CD46: variants seen among roughly 807,000 people sequenced by gnomAD.
CD46 encodes CD46 molecule.
A neutral mutation model predicts 53.3 loss-of-function variants in CD46; 30 were observed. The ratio of observed to expected loss-of-function variants is 0.56; its 90% CI spans 0.42 to 0.76. The LOEUF is 0.76. Among genes scored for constraint, CD46 ranks in the 30% least tolerant of loss-of-function variants. The probability of loss-of-function intolerance (pLI) is 0.00; values close to 1 mark genes in which losing one functional copy is unlikely to be tolerated. For missense variants in CD46, 409 were observed against 463.0 expected (o/e 0.88, Z 1.07); for synonymous variants, 142 against 152.0 (o/e 0.93, Z 0.48).
At chr1:207,793,190 A>T (rs1659964638) in intron 12 of CD46, among the ~76,000 whole-genome samples, 1 of 152,178 alleles carries the variant, frequency 6.6e-6, no homozygotes, top group Admixed American at 6.5e-5. Context: ...TTTAAAATGG[A>T]GGGATCAGGA....
intron 1 of CD46, among the ~76,000 whole-genome samples, chr1:207,755,150 A>C (rs1388485604): frequency 2.0e-5 from 3 of 151,868 alleles, no homozygotes; most frequent in Non-Finnish European, 4.4e-5. Flanking sequence ...TACACACACA[A>C]ACAAACAAAA....
At chr1:207,788,254 C>T (rs1235656937) in intron 11 of CD46, among the ~76,000 whole-genome samples, 2 of 151,864 alleles carry the variant, frequency 1.3e-5, no homozygotes, top group Admixed American at 1.3e-4. Flanking sequence ...TGGTGGCTCA[C>T]GCCTGTAATC....
intron 5 of CD46, chr1:207,762,513 A>T (rs1164257466): frequency 1.3e-5 from 2 of 152,226 alleles, no homozygotes. Context: ...GTAAACCTGT[A>T]GCCAGACTGA....
At chr1:207,753,210 A>G (rs1184718914) in intron 1 of CD46, among the ~76,000 whole-genome samples, 5 of 152,160 alleles carry the variant, frequency 3.3e-5, no homozygotes, top group African/African-American at 7.2e-5. Context: ...GAGATGTGAA[A>G]CAACCTAAAA....
At chr1:207,757,449 C>T (rs1655686599) in intron 2 of CD46, 91 bp from the exon 3 acceptor site, 2 of 847,944 alleles carry the variant, frequency 2.4e-6, no homozygotes, top group Non-Finnish European at 2.0e-6. Flanking sequence ...ATTATATTCC[C>T]ACCCATTCAA....
chr1:207,787,471 C>G (rs908994446), intron 11 of CD46, among the ~76,000 whole-genome samples: 1 of 151,988 alleles, frequency 6.6e-6, no homozygotes, highest in Non-Finnish European at 1.5e-5. Flanking sequence ...TTAATTTGTC[C>G]AGTGATTTTT....
At chr1:207,759,957 G>A in intron 4 of CD46, 2 of 370,248 alleles carry the variant, frequency 5.4e-6, no homozygotes, top group Non-Finnish European at 9.5e-6. Flanking sequence ...CTATTTCCCA[G>A]GCTGGGGTGC....
chr1:207,781,168 A>G (rs1173072958), intron 8 of CD46, among the ~76,000 whole-genome samples: 1 of 149,926 alleles, frequency 6.7e-6, no homozygotes, highest in Non-Finnish European at 1.5e-5. Context: ...CATACTAGAT[A>G]TGCATTTCCC....
chr1:207,767,306 C>T lies in CD46; in HGVS notation c.856+111C>T, dbSNP rs1656969274. ...GTCATACAAAATAACTGAAAAGAAA[C>T]AATTTTAGTATTTAACTCTGTCTTG... On this transcript the variant is annotated intron_variant, in intron 6 of 12. Coordinates refer to ENST00000367042, the MANE Select transcript of CD46 (RefSeq NM_172351.3). 5 of 957,888 alleles carry T rather than the reference C, an allele frequency of 5.2e-6. No homozygotes were observed. In the East Asian group the frequency reaches 1.2e-4, roughly 24 times the overall value. The allele number at this position is 957,888 out of a possible 1,614,324, so 59.3% of individuals were successfully genotyped here.
At chr1:207,783,936 A>C (rs751067813) in intron 9 of CD46, among the ~76,000 whole-genome samples, 1 of 152,236 alleles carries the variant, frequency 6.6e-6, no homozygotes, top group Non-Finnish European at 1.5e-5. Flanking sequence ...TTATGCTTTG[A>C]CTTATAGCAA....
intron 1 of CD46, among the ~76,000 whole-genome samples, chr1:207,756,349 C>A (rs926246050): frequency 1.3e-5 from 2 of 152,228 alleles, no homozygotes; most frequent in African/African-American, 4.8e-5. Context: ...TAAATTCAGA[C>A]TTTCACGTTA....
intron 12 of CD46, among the ~76,000 whole-genome samples, chr1:207,791,918 T>C (rs904783811): frequency 6.6e-6 from 1 of 152,238 alleles, no homozygotes; most frequent in African/African-American, 2.4e-5. Flanking sequence ...TGGCATAGAT[T>C]GGATTTTTAT....
intron 8 of CD46, among the ~76,000 whole-genome samples, chr1:207,777,068 A>G (rs1188971793): frequency 6.6e-6 from 1 of 152,118 alleles, no homozygotes; most frequent in Non-Finnish European, 1.5e-5. Flanking sequence ...CTCATTATGA[A>G]TTAAAGCCCT....
chr1:207,767,344 TGCC>T, intron 6 of CD46, 149 bp downstream of exon 6: 1 of 789,340 alleles, frequency 1.3e-6, no homozygotes, highest in Non-Finnish European at 2.1e-6. Context: ...TTCATTTCTA[TGCC>T]AGATGAATGA....
At chr1:207,767,662 T>A in intron 6 of CD46, 117 bp from the exon 7 acceptor site, 1 of 1,610,912 alleles carries the variant, frequency 6.2e-7, no homozygotes, top group Non-Finnish European at 8.5e-7. Flanking sequence ...GTTTAGTAGC[T>A]TCTTCCTTAT....
At chr1:207,773,616 A>G (rs1657760551) in intron 8 of CD46, among the ~76,000 whole-genome samples, 1 of 152,154 alleles carries the variant, frequency 6.6e-6, no homozygotes, top group South Asian at 2.1e-4. Flanking sequence ...GTTGGTTTTA[A>G]AGAACAACTT....
chr1:207,784,456 G>A (rs1659080108), intron 9 of CD46, among the ~76,000 whole-genome samples: 1 of 152,168 alleles, frequency 6.6e-6, no homozygotes, highest in African/African-American at 2.4e-5. Context: ...TGATGTGGTA[G>A]CTATAGAGAA....
chr1:207,789,683 T>C (rs1248220930), intron 11 of CD46, among the ~76,000 whole-genome samples: 5 of 151,986 alleles, frequency 3.3e-5, no homozygotes, highest in Admixed American at 2.0e-4. Flanking sequence ...GTCATAAAGT[T>C]GATTTCTAGA....
intron 1 of CD46, among the ~76,000 whole-genome samples, chr1:207,755,930 A>G (rs1655487816): frequency 6.6e-6 from 1 of 152,132 alleles, no homozygotes; most frequent in African/African-American, 2.4e-5. Flanking sequence ...TGAGTGACAT[A>G]TTGTGCTGGG....
Sources: allele counts gnomAD v4.1 joint callset (sites outside exome capture counted in the v4.1 genomes callset), GRCh38; gene constraint gnomAD v4.1.1; transcripts MANE v1.5; gene names NCBI Gene and HGNC (gene_info 2026-07-23, HGNC 2026-07-21).